Variants in GP6 observed in about 807,000 individuals in gnomAD.
GP6 encodes the protein glycoprotein VI platelet.
A neutral mutation model predicts 37.3 loss-of-function variants in GP6; 45 were observed. The ratio of observed to expected loss-of-function variants is 1.21; its 90% CI spans 0.95 to 1.55. The LOEUF (loss-of-function observed/expected upper bound fraction) is 1.55. Among genes scored for constraint, GP6 ranks in the 40% most tolerant of loss-of-function variants. The probability of loss-of-function intolerance (pLI) is 0.00; values close to 1 mark genes in which losing one functional copy is unlikely to be tolerated. For synonymous variants in GP6, 340 were observed against 316.4 expected, an observed-to-expected ratio of 1.07 and a Z score of -0.79; for missense variants, 813 against 760.2, an observed-to-expected ratio of 1.07 and a Z score of -0.82.
chr19:55,031,409 T>C (rs2074555304), intron 3 of GP6, among the ~76,000 whole-genome samples: 1 of 152,098 alleles, frequency 6.6e-6, no homozygotes, highest in Admixed American at 6.6e-5. Flanking sequence ...GAACAGCCAC[T>C]GCACTCCGGC....
At chr19:55,018,069 A>G (rs377655846) in intron 6 of GP6, among the ~76,000 whole-genome samples, 2 of 53,504 alleles carry the variant, frequency 3.7e-5, no homozygotes, top group African/African-American at 8.9e-5. Flanking sequence ...CTCCACCTCA[A>G]AAAAATAAAA....
At chr19:55,023,508 C>A (rs1323149929) in intron 5 of GP6, among the ~76,000 whole-genome samples, 1 of 152,032 alleles carries the variant, frequency 6.6e-6, no homozygotes, top group South Asian at 2.1e-4. Flanking sequence ...GTGGCATGTC[C>A]CCCAGTCCCA....
intron 7 of GP6, 120 bp from the exon 8 acceptor site, chr19:55,015,285 C>CT: frequency 6.7e-7 from 1 of 1,495,522 alleles, no homozygotes. Flanking sequence ...ATGCCGCTCA[C>CT]TTTCCTGGAG....
rs747181245 is a variant in GP6 at position 55,015,674 on chromosome 19, C to T, written c.779+5G>A. 3 of 1,533,256 alleles carry T rather than the reference C, an allele frequency of 2.0e-6. No homozygotes were observed. The highest frequency in any genetic ancestry group is 2.7e-5 in the African/African-American group (2 of 73,696). The allele number at this position is 1,533,256 out of a possible 1,614,324, so 95.0% of individuals were successfully genotyped here. On this transcript the variant is annotated splice_donor_5th_base_variant and intron_variant, in intron 7 of 7. Transcript: ENST00000310373. ...AAGGAAGGGGGTCTGGAGAGGATGA[C>T]TTACTCACCAGCTGGAGAGTCTGAC...
At chr19:55,030,429 C>T (rs977233024) in intron 3 of GP6, among the ~76,000 whole-genome samples, 19 of 151,990 alleles carry the variant, frequency 1.3e-4, no homozygotes, top group African/African-American at 3.9e-4. Flanking sequence ...CTCACCGCCT[C>T]CCAGGTTTAA....
chr19:55,032,891 A>ACTCATTCGTGTTAGACACGGTGGG (rs2074628082), intron 1 of GP6: 1 of 145,186 alleles, frequency 6.9e-6, no homozygotes, highest in African/African-American at 7.1e-5. Flanking sequence ...GACACGGTGG[A>ACTCATTCGTGTTAGACACGGTGGG]CTCGTTCGTG....
intron 5 of GP6, among the ~76,000 whole-genome samples, chr19:55,021,815 C>G (rs537334425): frequency 2.0e-5 from 3 of 152,086 alleles, no homozygotes; most frequent in Non-Finnish European, 4.4e-5. Flanking sequence ...CCACCGTGCC[C>G]GGCGTTTCTT....
At chr19:55,035,321 T>A (rs1162725484) in intron 1 of GP6, among the ~76,000 whole-genome samples, 1 of 152,132 alleles carries the variant, frequency 6.6e-6, no homozygotes, top group Admixed American at 6.5e-5. Flanking sequence ...GAGGACAGTT[T>A]CAGTTGGACA....
rs968768625 is a variant in GP6 at position 55,014,525 on chromosome 19, C to T, written c.1420G>A (p.Val474Met). The change falls in exon 8 of 8, where the codon GTG (valine) becomes ATG (methionine). Residue 474 changes from valine to methionine, a missense_variant. Transcript: ENST00000310373. ...GAGCACAGAGGGCCAAAGGGAAGCA[C>T]GGGAGGATTTTGCACAGAGGATGGA... 2.1e-5 allele frequency: 34 copies of T among 1,613,688 alleles called. No homozygotes were observed. Among genetic ancestry groups the T allele is most frequent in the Middle Eastern group, 1.6e-4 (1 of 6,084 alleles).
Position 55,027,710 on chromosome 19 carries a change from ATC to A in GP6, c.476_477del (p.Arg159MetfsTer5). On this transcript the variant is annotated frameshift_variant, in exon 4 of 8. Transcript: ENST00000310373. LOFTEE classifies it high-confidence loss of function. ...ATGATGGGAAAACTAGCCCTGTACC[ATC>A]TCTCGGGATTCTTGTAGGGCGCAGG... 1 of 1,613,364 alleles carries A rather than the reference ATC, an allele frequency of 6.2e-7. No individual in the cohort carries two copies. The highest frequency in any genetic ancestry group is 1.6e-4 in the Middle Eastern group (1 of 6,062).
chr19:55,033,206 T>TAGACGCGGTGGACTCGTTC (rs1766236042), intron 1 of GP6, among the ~76,000 whole-genome samples: 1 of 48,310 alleles, frequency 2.1e-5, no homozygotes, highest in Non-Finnish European at 4.3e-5. Flanking sequence ...TCCTTCGTGT[T>TAGACGCGGTGGACTCGTTC]GTGTTAGACA....
chr19:55,034,287 T>G (rs1207457461), intron 1 of GP6, among the ~76,000 whole-genome samples: 1 of 151,978 alleles, frequency 6.6e-6, no homozygotes, highest in Non-Finnish European at 1.5e-5. Context: ...CCGGGCACGG[T>G]GGCTCATGCC....
At chr19:55,029,602 C>G (rs1330130679) in intron 3 of GP6, among the ~76,000 whole-genome samples, 2 of 150,880 alleles carry the variant, frequency 1.3e-5, no homozygotes, top group Non-Finnish European at 2.9e-5. Context: ...GTTAGCCAGG[C>G]TGATCTCGAA....
intron 1 of GP6, among the ~76,000 whole-genome samples, chr19:55,033,571 T>C (rs995001345): frequency 1.3e-5 from 2 of 151,880 alleles, no homozygotes; most frequent in African/African-American, 2.4e-5. Context: ...ACATTGCCCA[T>C]TGACTTCCTC....
At chr19:55,016,132 A>G (rs1469161244) in intron 6 of GP6, among the ~76,000 whole-genome samples, 1 of 148,978 alleles carries the variant, frequency 6.7e-6, no homozygotes, top group East Asian at 2.0e-4. Flanking sequence ...ACAGAGCGAG[A>G]CCCTGTCCAA....
At chr19:55,036,575 T>C (rs752296038) in intron 1 of GP6, among the ~76,000 whole-genome samples, 1 of 151,954 alleles carries the variant, frequency 6.6e-6, no homozygotes, top group Non-Finnish European at 1.5e-5. Context: ...GGTGTACAAC[T>C]GTAGTTCCAG....
intron 6 of GP6, among the ~76,000 whole-genome samples, chr19:55,017,779 C>T (rs934051786): frequency 2.0e-5 from 3 of 152,004 alleles, no homozygotes; most frequent in Non-Finnish European, 4.4e-5. Context: ...TCACAGAACT[C>T]CCTGGGATAT....
At chr19:55,023,330 A>G (rs73614051) in intron 5 of GP6, among the ~76,000 whole-genome samples, 4,926 of 152,276 alleles carry the variant, frequency 0.032, 264 homozygotes, top group African/African-American at 0.11. Flanking sequence ...GCCATGTGAT[A>G]CAGTTTGAAT....
chr19:55,034,401 C>T (rs2074745525), intron 1 of GP6, among the ~76,000 whole-genome samples: 1 of 151,702 alleles, frequency 6.6e-6, no homozygotes, highest in African/African-American at 2.4e-5. Context: ...CTAAAAATAC[C>T]AGAAATTAGC....
Sources: gnomAD v4.1 joint callset for allele counts (sites outside exome capture counted in the v4.1 genomes callset) on GRCh38, gnomAD v4.1.1 for gene constraint, MANE v1.5 for transcripts, NCBI Gene and HGNC (gene_info 2026-07-23, HGNC 2026-07-21) for gene names.